The following KIF1B variants were observed in gnomAD, a reference collection of about 807,000 sequenced individuals.
The protein encoded by KIF1B is kinesin family member 1B.
A neutral mutation model predicts 241.9 loss-of-function variants in KIF1B; 76 were observed. That is an observed-to-expected ratio of 0.31 (90% CI 0.26 to 0.38). KIF1B has a LOEUF of 0.38. Ranked by LOEUF, KIF1B falls within the 10% of genes least tolerant of loss-of-function variation. The pLI, the probability that KIF1B is intolerant of heterozygous loss-of-function variation, is 1.00. For missense variants in KIF1B, 1,622 were observed against 2,271.4 expected (o/e 0.71, Z 5.81); for synonymous variants, 750 against 796.7 (o/e 0.94, Z 0.99).
rs116167243 is a variant in KIF1B, at chr1:10,378,090, C to T, written c.*1503C>T. 2.0e-3 allele frequency: 989 copies of T among 487,376 alleles called. 15 individuals carry two copies. The highest frequency in any genetic ancestry group is 0.018 in the African/African-American group (921 of 51,502). The allele number at this position is 487,376 out of a possible 1,614,324, so 30.2% of individuals were successfully genotyped here. A position where few individuals can be genotyped will look rare whatever the true frequency, so the allele number is the denominator to read the frequency against. On this transcript the variant is annotated 3_prime_UTR_variant, in exon 49 of 49. Transcript: ENST00000676179. ...ATGCTTGTCAGGTTGAAGATGCTTT[C>T]AGTGATGCTCTCTATACTCATAAAT...
At chr1:10,272,150 C>A in intron 8 of KIF1B, 91 bp from the exon 9 acceptor site, 1 of 867,016 alleles carries the variant, frequency 1.2e-6, no homozygotes, top group Non-Finnish European at 2.0e-6. Flanking sequence ...AAGAAATATG[C>A]TAGCATATGG....
At chr1:10,297,883 G>C (rs1650349627) in intron 22 of KIF1B, among the ~76,000 whole-genome samples, 1 of 152,246 alleles carries the variant, frequency 6.6e-6, no homozygotes, top group South Asian at 2.1e-4. Flanking sequence ...CTTCCTTTGA[G>C]GGAAGGAGGA....
At chr1:10,266,803 C>G (rs1648487099) in intron 5 of KIF1B, among the ~76,000 whole-genome samples, 1 of 152,122 alleles carries the variant, frequency 6.6e-6, no homozygotes, top group South Asian at 2.1e-4. Flanking sequence ...CAGAGATAAT[C>G]TGTTTACCTC....
At chr1:10,257,697 A>C (rs1300122292) in intron 3 of KIF1B, among the ~76,000 whole-genome samples, 1 of 151,680 alleles carries the variant, frequency 6.6e-6, no homozygotes, top group African/African-American at 2.4e-5. Flanking sequence ...TTTTTTAAAG[A>C]CTGAGTCTCG....
intron 5 of KIF1B, among the ~76,000 whole-genome samples, chr1:10,263,016 T>C (rs181837398): frequency 8.5e-5 from 13 of 152,186 alleles, no homozygotes; most frequent in African/African-American, 2.4e-4. Context: ...AGAAGCTGTT[T>C]TGGGGCTCAT....
At chr1:10,224,665 T>G (rs1646888371) in intron 1 of KIF1B, among the ~76,000 whole-genome samples, 3 of 152,048 alleles carry the variant, frequency 2.0e-5, no homozygotes, top group African/African-American at 7.2e-5. Context: ...CTCAAGCAAT[T>G]CTTTCACTTT....
intron 37 of KIF1B, among the ~76,000 whole-genome samples, chr1:10,349,306 G>A (rs1431075164): frequency 1.3e-5 from 2 of 152,004 alleles, no homozygotes; most frequent in African/African-American, 4.8e-5. Flanking sequence ...ATGGTGGCAC[G>A]CACCTGTAGT....
intron 24 of KIF1B, among the ~76,000 whole-genome samples, chr1:10,323,554 G>A (rs1482408605): frequency 6.6e-6 from 1 of 152,112 alleles, no homozygotes; most frequent in African/African-American, 2.4e-5. Context: ...CCTAGGAGGT[G>A]GAGGCTACAG....
chr1:10,239,828 C>T (rs1224075819), intron 2 of KIF1B, among the ~76,000 whole-genome samples: 1 of 151,724 alleles, frequency 6.6e-6, no homozygotes, highest in African/African-American at 2.4e-5. Context: ...TGCAGTGGCG[C>T]AATCTTGGCT....
intron 22 of KIF1B, among the ~76,000 whole-genome samples, chr1:10,314,060 T>C (rs1460050105): frequency 2.0e-5 from 3 of 151,156 alleles, no homozygotes; most frequent in Non-Finnish European, 2.9e-5. Context: ...GCCTAGCTAA[T>C]TTTTGTATCA....
Position 10,377,626 on chromosome 1 carries a change from G to T in KIF1B, c.*1039G>T, listed in dbSNP as rs967487745. On this transcript the variant is annotated 3_prime_UTR_variant, in exon 49 of 49. Transcript: ENST00000676179. Reference sequence around the variant, plus strand: ...TCACTTTCTGGTGATAAACTTGATGGTCATTGTTATGATTAAGATAATGCC... The same window carrying T: ...TCACTTTCTGGTGATAAACTTGATGTTCATTGTTATGATTAAGATAATGCC... 3 of 207,918 alleles carry T rather than the reference G, an allele frequency of 1.4e-5. No individual in the cohort carries two copies. The allele number at this position is 207,918 out of a possible 1,614,324, so 12.9% of individuals were successfully genotyped here.
chr1:10,323,313 A>G (rs1400552419), intron 24 of KIF1B, among the ~76,000 whole-genome samples: 1 of 152,184 alleles, frequency 6.6e-6, no homozygotes, highest in East Asian at 1.9e-4. Flanking sequence ...AAAAGTCTTC[A>G]TTCATTCAAT....
chr1:10,303,480 C>G lies in KIF1B; in HGVS notation c.2115+6234C>G, dbSNP rs572215884. On this transcript the variant is annotated intron_variant, in intron 22 of 48. Coordinates refer to ENST00000676179, the MANE Select transcript of KIF1B (RefSeq NM_001365951.3). The surrounding 1 kb of genome is among the most constrained non-coding windows in gnomAD (Gnocchi z 5.2). ...AGGAGATTGAAGCCCTGGCCATTGTCAAGATGAAGGAGCTTTGTGCCATGT... is the reference window on the plus strand; with the variant it reads ...AGGAGATTGAAGCCCTGGCCATTGTGAAGATGAAGGAGCTTTGTGCCATGT... 1 of 1,614,126 alleles carries G rather than the reference C, an allele frequency of 6.2e-7. No homozygotes were observed. Among genetic ancestry groups the G allele is most frequent in the Admixed American group, 1.7e-5 (1 of 60,016 alleles).
Position 10,378,352 on chromosome 1 carries a change from G to C in KIF1B, c.*1765G>C. 1.4e-6 allele frequency: 1 copy of C among 717,974 alleles called. No homozygotes were observed. Among genetic ancestry groups the C allele is most frequent in the Non-Finnish European group, 2.6e-6 (1 of 385,210 alleles). The allele number at this position is 717,974 out of a possible 1,614,324, so 44.5% of individuals were successfully genotyped here. On this transcript the variant is annotated 3_prime_UTR_variant, in exon 49 of 49. Coordinates refer to ENST00000676179, the MANE Select transcript of KIF1B (RefSeq NM_001365951.3). The stretch of plus-strand genomic sequence containing the variant: ...TCCTTCTGACAGACCAGGTCATCTG[G>C]CTTCCGAGATCATCAGAGAAGATAA...
chr1:10,342,287 C>A, intron 33 of KIF1B, 119 bp downstream of exon 33: 1 of 764,240 alleles, frequency 1.3e-6, no homozygotes, highest in Non-Finnish European at 2.4e-6. Context: ...TTCTATATTA[C>A]CCTGTTTCCT....
intron 43 of KIF1B, among the ~76,000 whole-genome samples, chr1:10,367,712 G>C (rs891805545): frequency 6.7e-6 from 1 of 149,564 alleles, no homozygotes; most frequent in Non-Finnish European, 1.5e-5. Flanking sequence ...TTTTTTGTAG[G>C]TGTTTTTTTT....
chr1:10,256,388 T>G, intron 3 of KIF1B, 65 bp downstream of exon 3: 1 of 1,136,294 alleles, frequency 8.8e-7, no homozygotes, highest in Admixed American at 1.7e-5. Context: ...TGCCGATTTG[T>G]CTTTTCTCTT....
At chr1:10,357,873 G>A (rs1485678581) in intron 38 of KIF1B, among the ~76,000 whole-genome samples, 1 of 151,938 alleles carries the variant, frequency 6.6e-6, no homozygotes, top group Non-Finnish European at 1.5e-5. Context: ...GCCAGACTTG[G>A]TGGTGGGCGC....
intron 1 of KIF1B, among the ~76,000 whole-genome samples, chr1:10,212,110 G>A (rs1291675684): frequency 6.6e-6 from 1 of 152,156 alleles, no homozygotes; most frequent in Non-Finnish European, 1.5e-5. Flanking sequence ...CAGCTGTTCT[G>A]CCACCATTGA....
Sources: allele counts gnomAD v4.1 joint callset (sites outside exome capture counted in the v4.1 genomes callset), GRCh38; gene constraint gnomAD v4.1.1; non-coding constraint Gnocchi (gnomAD v3.1); transcripts MANE v1.5; gene names NCBI Gene and HGNC (gene_info 2026-07-23, HGNC 2026-07-21).